The following ANK2 variants were observed in gnomAD, a reference collection of about 807,000 sequenced individuals.
ANK2 encodes ankyrin 2, also known as ankyrin-2.
A neutral mutation model predicts 360.5 loss-of-function variants in ANK2; 83 were observed. The observed-to-expected ratio is 0.23, with a 90% CI of 0.19 to 0.28. The LOEUF (loss-of-function observed/expected upper bound fraction) is 0.28, where lower values mean the gene tolerates loss of function less well. ANK2 is among the 10% of genes least tolerant of loss of function. The pLI is 1.00. For synonymous variants in ANK2, 1,740 were observed against 1,759.5 expected (o/e 0.99, Z 0.28); for missense variants, 4,201 against 4,795.7 (o/e 0.88, Z 3.66).
intron 2 of ANK2, among the ~76,000 whole-genome samples, chr4:112,917,675 A>G (rs1280305082): frequency 1.3e-5 from 2 of 152,240 alleles, no homozygotes; most frequent in Non-Finnish European, 2.9e-5. Flanking sequence ...AGGCTCAGAA[A>G]CTAAGTTTTT....
intron 29 of ANK2, 55 bp from the exon 30 acceptor site, chr4:113,335,791 C>CG (rs2093450046): frequency 2.0e-6 from 3 of 1,538,418 alleles, no homozygotes; most frequent in Admixed American, 3.3e-5. Context: ...GGCTAGAATG[C>CG]TGTTAGAAGG....
At chr4:113,098,103 G>A (rs2091977834) in intron 1 of ANK2, among the ~76,000 whole-genome samples, 1 of 150,652 alleles carries the variant, frequency 6.6e-6, no homozygotes, top group African/African-American at 2.4e-5. Flanking sequence ...TGAATTGTTT[G>A]GAAAAGAAAA....
intron 4 of ANK2, among the ~76,000 whole-genome samples, chr4:113,211,125 T>G (rs927531632): frequency 4.6e-5 from 7 of 152,202 alleles, no homozygotes; most frequent in African/African-American, 1.7e-4. Flanking sequence ...CCAAATTCTA[T>G]ACATTCAACT....
chr4:112,722,576 A>G, the ANK2 span, among the ~76,000 whole-genome samples: 1 of 152,178 alleles, frequency 6.6e-6, no homozygotes, highest in Non-Finnish European at 1.5e-5. Flanking sequence ...AGGTGATAGC[A>G]GTGTCATCCC....
intron 20 of ANK2, among the ~76,000 whole-genome samples, chr4:113,291,003 A>G (rs543820951): frequency 3.3e-5 from 5 of 152,334 alleles, no homozygotes; most frequent in Admixed American, 3.3e-4. Context: ...TTGTGGCCAC[A>G]ATGTCCACTG....
intron 1 of ANK2, among the ~76,000 whole-genome samples, chr4:113,133,645 A>C (rs2096212708): frequency 6.6e-6 from 1 of 152,220 alleles, no homozygotes; most frequent in Admixed American, 6.5e-5. Context: ...AAAAGAGAAA[A>C]AAATAATGGA....
intron 1 of ANK2, among the ~76,000 whole-genome samples, chr4:113,167,814 G>T (rs1487993211): frequency 6.6e-6 from 1 of 152,012 alleles, no homozygotes; most frequent in Non-Finnish European, 1.5e-5. Context: ...CTATGGATTT[G>T]TTTTGCCAGT....
intron 2 of ANK2, among the ~76,000 whole-genome samples, chr4:113,010,566 C>T (rs183920522): frequency 6.6e-6 from 1 of 152,130 alleles, no homozygotes; most frequent in Non-Finnish European, 1.5e-5. Context: ...GGAAAACAGT[C>T]ATTAGATATG....
In ANK2 at chr4:112,843,326, T is replaced by C. The variant is rs180956544; in HGVS notation, c.-40+25062T>C. 3.6e-3 allele frequency among the ~76,000 whole-genome samples: 543 copies of C among 152,338 alleles called. 2 individuals carry two copies. Among genetic ancestry groups the C allele is most frequent in the Non-Finnish European group, 5.6e-3 (380 of 68,030 alleles). On this transcript the variant is annotated intron_variant, in intron 1 of 30. Transcript: ENST00000503271. ...AGCACTTCTTCCTCAACTCTTTTTT[T>C]CTGTTTTCATCCCAAGTACCCAAAG...
intron 1 of ANK2, among the ~76,000 whole-genome samples, chr4:112,882,917 A>G (rs935234685): frequency 6.7e-6 from 1 of 150,130 alleles, no homozygotes; most frequent in Non-Finnish European, 1.5e-5. Context: ...CTATGTCACC[A>G]GGCTGGACTG....
chr4:113,176,786 C>G (rs141526284), intron 2 of ANK2, among the ~76,000 whole-genome samples: 5,662 of 152,194 alleles, frequency 0.037, 167 homozygotes, highest in Non-Finnish European at 0.055. Flanking sequence ...CTCCTCCCCC[C>G]ACCCCACAAC....
intron 23 of ANK2, among the ~76,000 whole-genome samples, chr4:113,310,096 C>T (rs2079139580): frequency 6.6e-6 from 1 of 152,070 alleles, no homozygotes; most frequent in Admixed American, 6.6e-5. Context: ...CTCACCCTAC[C>T]AAGGTGTAAC....
rs565813840 is a variant in ANK2 at position 113,022,004 on chromosome 4, C to T, written c.21+117490C>T. Among the ~76,000 whole-genome samples, 4 of 152,218 alleles carry T rather than the reference C, an allele frequency of 2.6e-5. No homozygotes were observed. In the South Asian group the frequency reaches 6.2e-4, roughly 24 times the overall value. Reference sequence around the variant, plus strand: ...CTTCAGAGCCTTTAAATGTTTCCCCCATTTGGGTAATTTTATATTAATATG... The same window carrying T: ...CTTCAGAGCCTTTAAATGTTTCCCCTATTTGGGTAATTTTATATTAATATG... On this transcript the variant is annotated intron_variant, in intron 2 of 30. Coordinates refer to the ANK2 transcript ENST00000503271.
chr4:112,992,460 G>C (rs1019060341), intron 2 of ANK2, among the ~76,000 whole-genome samples: 1 of 152,000 alleles, frequency 6.6e-6, no homozygotes, highest in Non-Finnish European at 1.5e-5. Flanking sequence ...TACATTTTTA[G>C]GTATTTCTTG....
At chr4:112,811,551 AT>A in the ANK2 span, among the ~76,000 whole-genome samples, 1 of 152,046 alleles carries the variant, frequency 6.6e-6, no homozygotes, top group African/African-American at 2.4e-5. Flanking sequence ...TAAAGTTACG[AT>A]TTCCCCCCCT....
intron 2 of ANK2, among the ~76,000 whole-genome samples, chr4:112,968,643 C>G (rs2154264714): frequency 6.6e-6 from 1 of 152,238 alleles, no homozygotes; most frequent in Non-Finnish European, 1.5e-5. Flanking sequence ...TTGCCCATAG[C>G]AACCACCATT....
intron 22 of ANK2, among the ~76,000 whole-genome samples, chr4:113,297,491 A>C (rs1028532826): frequency 4.6e-5 from 7 of 152,146 alleles, no homozygotes; most frequent in South Asian, 4.1e-4. Context: ...TGATCATTAT[A>C]CTTATGTTTA....
intron 23 of ANK2, among the ~76,000 whole-genome samples, chr4:113,308,518 A>T (rs558968732): frequency 1.3e-5 from 2 of 152,348 alleles, no homozygotes; most frequent in East Asian, 3.9e-4. Flanking sequence ...CAGATGGAAA[A>T]TATCAACATT....
At chr4:112,995,418 C>T (rs548289416) in intron 2 of ANK2, among the ~76,000 whole-genome samples, 12 of 152,168 alleles carry the variant, frequency 7.9e-5, no homozygotes, top group Middle Eastern at 3.4e-3. Context: ...GAAGTGTATT[C>T]ATGTCCTTTA....
Sources: gnomAD v4.1 joint callset for allele counts (sites outside exome capture counted in the v4.1 genomes callset) on GRCh38, gnomAD v4.1.1 for gene constraint, MANE v1.5 for transcripts, NCBI Gene and HGNC (gene_info 2026-07-23, HGNC 2026-07-21) for gene names.